Variants in HSF5 observed in about 807,000 individuals in gnomAD.
HSF5 encodes the protein heat shock factor protein 5.
In HSF5, 5 loss-of-function variants were observed where a neutral mutation model predicts 50.8. That is an observed-to-expected ratio of 0.10 (90% confidence interval 0.05 to 0.21). HSF5 has a LOEUF of 0.21. HSF5 is among the 10% of genes least tolerant of loss of function. The probability of loss-of-function intolerance (pLI) is 1.00; values close to 1 mark genes in which losing one functional copy is unlikely to be tolerated. For missense variants in HSF5, 564 were observed against 762.6 expected (o/e 0.74, Z 3.07); for synonymous variants, 307 against 307.4 (o/e 1.00, Z 0.02).
chr17:58,488,029 G>A lies in HSF5; in HGVS notation c.246C>T (p.Arg82=), dbSNP rs774204979. ...TGCGGAAGCCGTAGAGGTTGAGCTG[G>A]CGGATGAAGCTGGTGAAGCTGGTGG... is the stretch of plus-strand genomic sequence containing the variant. ...FKTTSFTSFI[R]QLNLYGFRKV... Residue 82 remains arginine, a synonymous_variant, in exon 1 of 6, where the codon CGC becomes CGT. Coordinates refer to ENST00000323777, the MANE Select transcript of HSF5 (RefSeq NM_001080439.3). The surrounding 1 kb of genome is among the most constrained non-coding windows in gnomAD (Gnocchi z 4.1). The A allele has an allele frequency of 6.2e-7, 1 of 1,607,184 alleles. No individual in the cohort carries two copies. Among genetic ancestry groups the A allele is most frequent in the African/African-American group, 1.3e-5 (1 of 74,446 alleles).
intron 2 of HSF5, 75 bp downstream of exon 2, chr17:58,479,818 A>G: frequency 7.7e-7 from 1 of 1,291,430 alleles, no homozygotes; most frequent in East Asian, 2.3e-5. Flanking sequence ...AGACATTAAA[A>G]TGCATTTAAA....
chr17:58,469,705 A>ACTAT (rs1473136857), intron 2 of HSF5, among the ~76,000 whole-genome samples: 4 of 152,228 alleles, frequency 2.6e-5, no homozygotes, highest in Non-Finnish European at 5.9e-5. Flanking sequence ...TTAGTTTATC[A>ACTAT]CTATGTCCTA....
At chr17:58,478,881 A>AG (rs1975061752) in intron 2 of HSF5, among the ~76,000 whole-genome samples, 1 of 151,202 alleles carries the variant, frequency 6.6e-6, no homozygotes. Flanking sequence ...AAAAAAAAAA[A>AG]AGAGAAGAAA....
intron 5 of HSF5, among the ~76,000 whole-genome samples, chr17:58,433,559 A>G (rs1351534891): frequency 6.6e-6 from 1 of 152,214 alleles, no homozygotes; most frequent in African/African-American, 2.4e-5. Flanking sequence ...AATATTTAGA[A>G]ATTAGGAAAG....
At chr17:58,486,670 T>A (rs755192942) in intron 1 of HSF5, among the ~76,000 whole-genome samples, 6 of 152,190 alleles carry the variant, frequency 3.9e-5, no homozygotes, top group Non-Finnish European at 1.5e-5. Flanking sequence ...AGGAACTATA[T>A]CTTGTAAGCC....
chr17:58,463,594 T>C (rs1438965301), intron 3 of HSF5, among the ~76,000 whole-genome samples: 1 of 152,218 alleles, frequency 6.6e-6, no homozygotes, highest in Non-Finnish European at 1.5e-5. Context: ...CCCAAATACC[T>C]ATTTGCTGAT....
chr17:58,437,629 T>C (rs1193075446), intron 5 of HSF5, among the ~76,000 whole-genome samples: 1 of 152,216 alleles, frequency 6.6e-6, no homozygotes, highest in African/African-American at 2.4e-5. Context: ...TTACAGCATA[T>C]ACTTTCTTTT....
At chr17:58,444,260 A>G (rs1974531359) in intron 5 of HSF5, among the ~76,000 whole-genome samples, 1 of 152,214 alleles carries the variant, frequency 6.6e-6, no homozygotes, top group Admixed American at 6.5e-5. Context: ...AGGGAACCCA[A>G]ATAGCCAAAA....
chr17:58,450,741 G>C (rs1181705190), intron 5 of HSF5, among the ~76,000 whole-genome samples: 1 of 126,860 alleles, frequency 7.9e-6, no homozygotes, highest in Non-Finnish European at 1.6e-5. Context: ...CAACAAGAGC[G>C]AAACTCCATC....
At chr17:58,453,786 T>G (rs1361547515) in intron 5 of HSF5, among the ~76,000 whole-genome samples, 1 of 151,960 alleles carries the variant, frequency 6.6e-6, no homozygotes, top group Non-Finnish European at 1.5e-5. Context: ...TAAAAAATCA[T>G]TCAGTAAAAT....
intron 5 of HSF5, among the ~76,000 whole-genome samples, chr17:58,435,670 T>G (rs943582016): frequency 6.6e-6 from 1 of 152,070 alleles, no homozygotes; most frequent in Non-Finnish European, 1.5e-5. Flanking sequence ...CCCAGCACTT[T>G]GGGAGGCTGA....
intron 5 of HSF5, among the ~76,000 whole-genome samples, chr17:58,455,259 A>G (rs1974693701): frequency 6.6e-6 from 1 of 152,208 alleles, no homozygotes; most frequent in African/African-American, 2.4e-5. Context: ...AGTGCTGGGA[A>G]ATTTGGATGT....
intron 5 of HSF5, among the ~76,000 whole-genome samples, chr17:58,433,184 A>G (rs555795292): frequency 1.2e-4 from 19 of 152,314 alleles, no homozygotes; most frequent in African/African-American, 4.3e-4. Flanking sequence ...TGTTTTTTGT[A>G]GAGACATGGT....
chr17:58,436,345 C>CTT (rs35322798), intron 5 of HSF5, among the ~76,000 whole-genome samples: 1 of 145,952 alleles, frequency 6.9e-6, no homozygotes, highest in Non-Finnish European at 1.5e-5. Flanking sequence ...AATTAAAAAA[C>CTT]TTTTTTTTTT....
Position 58,488,001 on chromosome 17 carries a change from C to G in HSF5, c.274G>C (p.Val92Leu). Residue 92 changes from valine (V) to leucine (L), a missense_variant, in exon 1 of 6, where the codon GTG (valine) becomes CTG (leucine). Physicochemically the swap from Val to Leu is conservative, Grantham distance 32. Transcript: ENST00000323777. The surrounding 1 kb of genome is among the most constrained non-coding windows in gnomAD (Gnocchi z 4.1). ...RQLNLYGFRK[V>L]VLGGPGGGKP... ...CCGCCCCCCGGCCCGCCCAGCACCA[C>G]CTTGCGGAAGCCGTAGAGGTTGAGC... The G allele has an allele frequency of 6.2e-7, 1 of 1,610,100 alleles. No individual in the cohort carries two copies. The highest frequency in any genetic ancestry group is 1.7e-4 in the Middle Eastern group (1 of 5,918).
chr17:58,444,954 A>G (rs1160936262), intron 5 of HSF5, among the ~76,000 whole-genome samples: 4 of 152,220 alleles, frequency 2.6e-5, no homozygotes, highest in Non-Finnish European at 5.9e-5. Context: ...CAAAGATGAT[A>G]TACAAACAGC....
intron 5 of HSF5, among the ~76,000 whole-genome samples, chr17:58,423,056 A>C (rs1488297100): frequency 1.3e-5 from 2 of 152,216 alleles, no homozygotes; most frequent in African/African-American, 2.4e-5. Context: ...ATCAAAGTGA[A>C]TATACACATA....
At chr17:58,485,639 C>T (rs1392980807) in intron 1 of HSF5, among the ~76,000 whole-genome samples, 1 of 149,894 alleles carries the variant, frequency 6.7e-6, no homozygotes, top group East Asian at 2.0e-4. Context: ...CCCAGCTACT[C>T]GGGAGGCTGA....
Position 58,422,250 on chromosome 17 carries a change from T to TA in HSF5, c.*109dup. ...AATTCTCAATTAACGAAACAAAAAA[T>TA]ACTTTTTTTTCCTTAACAGAACTGA... On this transcript the variant is annotated 3_prime_UTR_variant, in exon 6 of 6. Transcript: ENST00000323777. 2 of 762,494 alleles carry TA rather than the reference T, an allele frequency of 2.6e-6. No homozygotes were observed. Among genetic ancestry groups the TA allele is most frequent in the South Asian group, 1.8e-5 (1 of 56,436 alleles). The allele number at this position is 762,494 out of a possible 1,614,324, so 47.2% of individuals were successfully genotyped here.
Sources: gnomAD v4.1 joint callset for allele counts (sites outside exome capture counted in the v4.1 genomes callset) on GRCh38, gnomAD v4.1.1 for gene constraint, Gnocchi (gnomAD v3.1) non-coding constraint, MANE v1.5 for transcripts, NCBI Gene and HGNC (gene_info 2026-07-23, HGNC 2026-07-21) for gene names.